The following HS6ST3 variants were observed in gnomAD, a reference collection of about 807,000 sequenced individuals.
HS6ST3 encodes the protein heparan sulfate 6-O-sulfotransferase 3, also known as heparan-sulfate 6-O-sulfotransferase 3.
Under a neutral mutation model 36.7 loss-of-function variants are expected in HS6ST3, and 12 were observed. The observed-to-expected ratio is 0.33, with a 90% CI of 0.21 to 0.53. The LOEUF is 0.53. Among genes scored for constraint, HS6ST3 ranks in the 20% least tolerant of loss-of-function variants. The probability of loss-of-function intolerance (pLI) is 0.95; values close to 1 mark genes in which losing one functional copy is unlikely to be tolerated. For synonymous variants in HS6ST3, 240 were observed against 257.5 expected, an observed-to-expected ratio of 0.93 and a Z score of 0.65; for missense variants, 584 against 640.9, an observed-to-expected ratio of 0.91 and a Z score of 0.96.
At chr13:96,163,108 G>A (rs1011634361) in intron 1 of HS6ST3, among the ~76,000 whole-genome samples, 2 of 152,004 alleles carry the variant, frequency 1.3e-5, no homozygotes, top group African/African-American at 4.8e-5. Flanking sequence ...TGATTTTATA[G>A]AGTTGTTCTT....
rs565188648 is a variant in HS6ST3 at position 96,096,455 on chromosome 13, G to T, written c.707+4886G>T. Among the ~76,000 whole-genome samples, 3 of 152,192 alleles carry T rather than the reference G, an allele frequency of 2.0e-5. No homozygotes were observed. In the South Asian group the frequency reaches 6.2e-4, roughly 32 times the overall value. On this transcript the variant is annotated intron_variant, in intron 1 of 1. Coordinates refer to ENST00000376705, the MANE Select transcript of HS6ST3 (RefSeq NM_153456.4). ...TGGATGGCCTTTTATTTTAAGTTTC[G>T]TTAGTTCTAATGTAAGCTGAGTGTG...
intron 1 of HS6ST3, among the ~76,000 whole-genome samples, chr13:96,380,833 T>C (rs2055337345): frequency 6.6e-6 from 1 of 152,218 alleles, no homozygotes; most frequent in African/African-American, 2.4e-5. Flanking sequence ...TGAGTTAGAT[T>C]CTGTCGATGT....
chr13:96,630,957 G>A (rs919646990), intron 1 of HS6ST3, among the ~76,000 whole-genome samples: 1 of 152,012 alleles, frequency 6.6e-6, no homozygotes, highest in Non-Finnish European at 1.5e-5. Context: ...ATTATTTTGA[G>A]TCTTATATTT....
intron 1 of HS6ST3, among the ~76,000 whole-genome samples, chr13:96,815,221 A>T (rs1190844702): frequency 6.6e-6 from 1 of 152,120 alleles, no homozygotes. Context: ...TGGAAGTCTC[A>T]GCTGTTTTTT....
Position 96,474,833 on chromosome 13 carries a change from C to G in HS6ST3, c.708-357657C>G, listed in dbSNP as rs148593990. The stretch of plus-strand genomic sequence containing the variant: ...TTTTTCAAACAATCTTTGGATTGCT[C>G]TGTCTGTATTAAATTTTCAGATAAG... On this transcript the variant is annotated intron_variant, in intron 1 of 1. Transcript: ENST00000376705. Among the ~76,000 whole-genome samples the G allele has an allele frequency of 1.1e-3, 160 of 152,292 alleles. 1 individual carries two copies. Among genetic ancestry groups the G allele is most frequent in the African/African-American group, 3.7e-3 (154 of 41,562 alleles).
At chr13:96,380,877 G>A (rs1044551529) in intron 1 of HS6ST3, among the ~76,000 whole-genome samples, 2 of 152,162 alleles carry the variant, frequency 1.3e-5, no homozygotes, top group Non-Finnish European at 2.9e-5. Flanking sequence ...TCGCTACTCA[G>A]AAACGGATCA....
At chr13:96,392,956 C>T (rs1473980119) in intron 1 of HS6ST3, among the ~76,000 whole-genome samples, 1 of 152,130 alleles carries the variant, frequency 6.6e-6, no homozygotes, top group Non-Finnish European at 1.5e-5. Context: ...AATTGTAGCT[C>T]CCATAATTCC....
At chr13:96,450,976 A>G (rs375277338) in intron 1 of HS6ST3, among the ~76,000 whole-genome samples, 1 of 152,334 alleles carries the variant, frequency 6.6e-6, no homozygotes, top group Non-Finnish European at 1.5e-5. Flanking sequence ...TGCCGTGTCA[A>G]AAGACCAACC....
chr13:96,266,183 T>C (rs1167252937), intron 1 of HS6ST3, among the ~76,000 whole-genome samples: 7 of 152,156 alleles, frequency 4.6e-5, no homozygotes, highest in African/African-American at 1.2e-4. Context: ...TGATGTTTTG[T>C]GGAAAATACA....
chr13:96,225,962 A>G (rs952872886), intron 1 of HS6ST3, among the ~76,000 whole-genome samples: 7 of 152,124 alleles, frequency 4.6e-5, no homozygotes, highest in Non-Finnish European at 5.9e-5. Context: ...TGGTCTTGCC[A>G]ATGACTCACT....
At chr13:96,336,241 G>C (rs893058935) in intron 1 of HS6ST3, among the ~76,000 whole-genome samples, 9 of 152,122 alleles carry the variant, frequency 5.9e-5, no homozygotes, top group African/African-American at 1.9e-4. Context: ...TTGCTCCCCA[G>C]ATTCCCATGT....
chr13:96,599,906 G>A (rs952583790), intron 1 of HS6ST3, among the ~76,000 whole-genome samples: 6 of 152,020 alleles, frequency 3.9e-5, no homozygotes, highest in African/African-American at 1.4e-4. Flanking sequence ...GCATTCAGGG[G>A]CAGATTCTTT....
chr13:96,325,082 G>T (rs962856501), intron 1 of HS6ST3, among the ~76,000 whole-genome samples: 2 of 152,082 alleles, frequency 1.3e-5, no homozygotes, highest in Non-Finnish European at 2.9e-5. Flanking sequence ...TAAAACCATG[G>T]TGTATACTGT....
intron 1 of HS6ST3, among the ~76,000 whole-genome samples, chr13:96,296,563 G>T (rs923553176): frequency 1.3e-5 from 2 of 152,028 alleles, no homozygotes; most frequent in African/African-American, 2.4e-5. Flanking sequence ...TTTAGAAAAC[G>T]CTAACATTTT....
chr13:96,819,166 T>C (rs1252197708), intron 1 of HS6ST3, among the ~76,000 whole-genome samples: 1 of 152,216 alleles, frequency 6.6e-6, no homozygotes, highest in African/African-American at 2.4e-5. Flanking sequence ...GGAAAGTTTC[T>C]TTTTATAGAG....
At chr13:96,128,096 G>A (rs1171343130) in intron 1 of HS6ST3, among the ~76,000 whole-genome samples, 1 of 152,170 alleles carries the variant, frequency 6.6e-6, no homozygotes, top group Non-Finnish European at 1.5e-5. Flanking sequence ...AGTGATTACT[G>A]TATGTTAAGT....
At chr13:96,447,865 T>C (rs1384445698) in intron 1 of HS6ST3, among the ~76,000 whole-genome samples, 1 of 152,106 alleles carries the variant, frequency 6.6e-6, no homozygotes, top group Non-Finnish European at 1.5e-5. Context: ...CCTTCTGTCT[T>C]CTCCCTTCTT....
At chr13:96,782,748 A>G (rs1355359415) in intron 1 of HS6ST3, among the ~76,000 whole-genome samples, 2 of 152,124 alleles carry the variant, frequency 1.3e-5, no homozygotes, top group Non-Finnish European at 2.9e-5. Flanking sequence ...AATGGTGAGC[A>G]GAGAGGGAGG....
At chr13:96,436,808 G>A (rs546397959) in intron 1 of HS6ST3, among the ~76,000 whole-genome samples, 42 of 152,122 alleles carry the variant, frequency 2.8e-4, no homozygotes, top group Non-Finnish European at 5.7e-4. Flanking sequence ...AAAACTGTAA[G>A]ACAATAAATT....
Sources: gnomAD v4.1 joint callset for allele counts (sites outside exome capture counted in the v4.1 genomes callset) on GRCh38, gnomAD v4.1.1 for gene constraint, MANE v1.5 for transcripts, NCBI Gene and HGNC (gene_info 2026-07-23, HGNC 2026-07-21) for gene names.